Variants in MAP3K10 observed in about 807,000 individuals in gnomAD.
MAP3K10 encodes the protein MKN28 derived nonreceptor_type serine/threonine kinase.
A neutral mutation model predicts 75.0 loss-of-function variants in MAP3K10; 22 were observed. The observed-to-expected ratio is 0.29, with a 90% CI of 0.21 to 0.42. The LOEUF (loss-of-function observed/expected upper bound fraction) is 0.42. Ranked by LOEUF, MAP3K10 falls within the 10% of genes least tolerant of loss-of-function variation. The pLI is 1.00. For synonymous variants in MAP3K10, 599 were observed against 612.9 expected, an observed-to-expected ratio of 0.98 and a Z score of 0.34; for missense variants, 1,165 against 1,379.8, an observed-to-expected ratio of 0.84 and a Z score of 2.47.
Position 40,194,819 on chromosome 19 carries a change from C to G in MAP3K10, c.682+2106C>G, listed in dbSNP as rs114997434. On this transcript the variant is annotated intron_variant, in intron 1 of 9. Coordinates refer to ENST00000253055, the MANE Select transcript of MAP3K10 (RefSeq NM_002446.4). ...CAGAAGTGAACAAGGCAAGATTTCT[C>G]CCTCCCCCAGCTATGGAATTTATAT... Among the ~76,000 whole-genome samples the G allele has an allele frequency of 6.5e-3, 982 of 152,094 alleles. 11 individuals are homozygous for G. The highest frequency in any genetic ancestry group is 0.022 in the African/African-American group (917 of 41,396).
Position 40,192,082 on chromosome 19 carries a change from G to T in MAP3K10, c.51G>T (p.Ala17=). ...AVAKEWGTTP[A]GPVWTAVFDY... ...CCAAGGAGTGGGGCACGACCCCCGC[G>T]GGGCCCGTCTGGACCGCGGTGTTCG... Residue 17 remains alanine (A), a synonymous_variant, in exon 1 of 10, where the codon GCG becomes GCT. Transcript: ENST00000253055. This position sits in a 1 kb window ranked among gnomAD's most constrained non-coding sequence, Gnocchi z 7.1. The T allele has an allele frequency of 1.3e-6, 2 of 1,511,696 alleles. No individual in the cohort carries two copies. The highest frequency in any genetic ancestry group is 1.8e-6 in the Non-Finnish European group (2 of 1,133,598). 93.6% of individuals were successfully genotyped at this position (1,511,696 alleles called of 1,614,324 possible).
rs1277579281 is a variant in MAP3K10, at chr19:40,198,035, G to A, written c.683-340G>A. On this transcript the variant is annotated intron_variant, in intron 1 of 9. Coordinates refer to ENST00000253055, the MANE Select transcript of MAP3K10 (RefSeq NM_002446.4). This position sits in a 1 kb window ranked among gnomAD's most constrained non-coding sequence, Gnocchi z 4.3. ...TTTTGTAGAGATGAGGTCTTGCCAT[G>A]TTGCACAGGCTGGTCTCGAACTCCT... Among the ~76,000 whole-genome samples, 2 of 152,172 alleles carry A rather than the reference G, an allele frequency of 1.3e-5. No homozygotes were observed. Among genetic ancestry groups the A allele is most frequent in the Admixed American group, 6.5e-5 (1 of 15,270 alleles).
intron 1 of MAP3K10, among the ~76,000 whole-genome samples, chr19:40,193,062 G>A (rs919346195): frequency 1.3e-5 from 2 of 152,200 alleles, no homozygotes; most frequent in Non-Finnish European, 2.9e-5. Context: ...ACCAGGCAGA[G>A]ACAAAAAGAG....
intron 5 of MAP3K10, 26 bp from the exon 6 acceptor site, chr19:40,209,077 A>G: frequency 6.5e-7 from 1 of 1,550,012 alleles, no homozygotes; most frequent in Non-Finnish European, 8.9e-7. Flanking sequence ...CCATTTGCTT[A>G]GGAAAGCTTC....
chr19:40,197,142 A>C (rs1972921528), intron 1 of MAP3K10, among the ~76,000 whole-genome samples: 1 of 152,138 alleles, frequency 6.6e-6, no homozygotes, highest in South Asian at 2.1e-4. Flanking sequence ...GCTTTGCTCC[A>C]AGTAGCTCTC....
rs1489680977 is a variant in MAP3K10 at position 40,213,004 on chromosome 19, C to T, written c.1724+28C>T. Reference sequence around the variant, plus strand: ...GAGGTGTGGTGTGGTCATGCCCACCCTGTGCCCAAGCCCCAGCTCCCAGGC... The same window carrying T: ...GAGGTGTGGTGTGGTCATGCCCACCTTGTGCCCAAGCCCCAGCTCCCAGGC... On this transcript the variant is annotated intron_variant, in intron 7 of 9. Coordinates refer to ENST00000253055, the MANE Select transcript of MAP3K10 (RefSeq NM_002446.4). This position sits in a 1 kb window ranked among gnomAD's most constrained non-coding sequence, Gnocchi z 5.7. The T allele has an allele frequency of 4.4e-6, 7 of 1,591,126 alleles. No homozygotes were observed. In the East Asian group the frequency reaches 8.9e-5, roughly 20 times the overall value.
chr19:40,209,185 C>T lies in MAP3K10; in HGVS notation c.1518C>T (p.Ser506=), dbSNP rs747062109. The change falls in exon 6 of 10, where the codon AGC becomes AGT. Residue 506 remains serine, a synonymous_variant. Coordinates refer to ENST00000253055, the MANE Select transcript of MAP3K10 (RefSeq NM_002446.4). ...KGSDGASPPA[S]PSIIPRLRAI... The stretch of plus-strand genomic sequence containing the variant: ...CCGATGGGGCCAGCCCCCCTGCAAG[C>T]CCCAGCATCATCCCCCGGCTGAGGG... 2 of 1,614,068 alleles carry T rather than the reference C, an allele frequency of 1.2e-6. No individual in the cohort carries two copies. Among genetic ancestry groups the T allele is most frequent in the African/African-American group, 2.7e-5 (2 of 74,938 alleles).
In MAP3K10 at chr19:40,213,471, G is replaced by T; in HGVS notation, c.1838-46G>T. 2 of 1,598,660 alleles carry T rather than the reference G, an allele frequency of 1.3e-6. No homozygotes were observed. The highest frequency in any genetic ancestry group is 1.1e-5 in the South Asian group (1 of 89,086). ...GTCCCTTGGCACAAGTCCCCGTGGG[G>T]CCCTGGCCAGCCCTGCAGCGGAGTG... On this transcript the variant is annotated intron_variant, in intron 8 of 9. Transcript: ENST00000253055. This position sits in a 1 kb window ranked among gnomAD's most constrained non-coding sequence, Gnocchi z 5.7.
intron 2 of MAP3K10, among the ~76,000 whole-genome samples, chr19:40,202,110 A>C (rs967556335): frequency 6.6e-6 from 1 of 152,006 alleles, no homozygotes; most frequent in African/African-American, 2.4e-5. Flanking sequence ...GCACGATCTC[A>C]GCTCACTGCA....
chr19:40,194,371 T>G (rs954966900), intron 1 of MAP3K10, among the ~76,000 whole-genome samples: 3 of 151,002 alleles, frequency 2.0e-5, no homozygotes, highest in African/African-American at 7.3e-5. Context: ...AAAAAAAAGC[T>G]AACATGTGAC....
At position 40,215,484 on chromosome 19, in the gene MAP3K10, A is replaced by C; in HGVS notation, c.*192A>C. 3 of 579,262 alleles carry C rather than the reference A, an allele frequency of 5.2e-6. No homozygotes were observed. The highest frequency in any genetic ancestry group is 3.0e-6 in the Non-Finnish European group (1 of 329,936). The allele number at this position is 579,262 out of a possible 1,614,324, so 35.9% of individuals were successfully genotyped here. On this transcript the variant is annotated 3_prime_UTR_variant, in exon 10 of 10. Coordinates refer to ENST00000253055, the MANE Select transcript of MAP3K10 (RefSeq NM_002446.4). Reference sequence around the variant, plus strand: ...GGGTGGAGCCCTGTGCCCACCCTGCACTGGGGGGAGGGTGGGCAGGGATAC... The same window carrying C: ...GGGTGGAGCCCTGTGCCCACCCTGCCCTGGGGGGAGGGTGGGCAGGGATAC...
chr19:40,208,622 G>A (rs116733811), intron 5 of MAP3K10, among the ~76,000 whole-genome samples: 2 of 151,146 alleles, frequency 1.3e-5, no homozygotes, highest in African/African-American at 4.9e-5. Flanking sequence ...AGGATTGCTC[G>A]AGGCCAAGAG....
In MAP3K10 at chr19:40,205,097, C is replaced by G. The variant is rs967248097; in HGVS notation, c.1013-24C>G. On this transcript the variant is annotated intron_variant, in intron 3 of 9. Coordinates refer to ENST00000253055, the MANE Select transcript of MAP3K10 (RefSeq NM_002446.4). This position sits in a 1 kb window ranked among gnomAD's most constrained non-coding sequence, Gnocchi z 4.3. The stretch of plus-strand genomic sequence containing the variant: ...CCACTGACACCTCCATGCCCCACCA[C>G]TGTCCTTCCTCCTCCCACCCCAGAA... 6.2e-7 allele frequency: 1 copy of G among 1,610,570 alleles called. No individual in the cohort carries two copies. Among genetic ancestry groups the G allele is most frequent in the African/African-American group, 1.3e-5 (1 of 74,848 alleles).
chr19:40,213,762 C>G lies in MAP3K10; in HGVS notation c.2083C>G (p.Arg695Gly). The G allele has an allele frequency of 8.8e-7, 1 of 1,132,100 alleles. No homozygotes were observed. Among genetic ancestry groups the G allele is most frequent in the Non-Finnish European group, 1.1e-6 (1 of 921,180 alleles). 70.1% of individuals were successfully genotyped at this position (1,132,100 alleles called of 1,614,324 possible). The change falls in exon 9 of 10, where the codon CGC (arginine) becomes GGC (glycine). Residue 695 changes from arginine to glycine, a missense_variant. By Grantham distance (125) the Arg-to-Gly change is moderately radical. This residue lies in a region of MAP3K10 where 590 missense variants were observed against 586.6 expected (regional missense o/e 1.01). Coordinates refer to ENST00000253055, the MANE Select transcript of MAP3K10 (RefSeq NM_002446.4). The surrounding 1 kb of genome is among the most constrained non-coding windows in gnomAD (Gnocchi z 5.7). ...CCTGGGCGCCGACGTGGCCGAGGCGCGCGCGGCCGACGGTGAGGAGCAGCG... is the reference window on the plus strand; with the variant it reads ...CCTGGGCGCCGACGTGGCCGAGGCGGGCGCGGCCGACGGTGAGGAGCAGCG... Reference protein sequence around the residue: ...VGLGADVAEARAADGEEQRRW... With the variant: ...VGLGADVAEAGAADGEEQRRW...
Position 40,214,006 on chromosome 19 carries a change from CACCACCCT to C in MAP3K10, c.2328_2335del (p.Pro778AlafsTer71). On this transcript the variant is annotated frameshift_variant, in exon 9 of 10. Coordinates refer to ENST00000253055, the MANE Select transcript of MAP3K10 (RefSeq NM_002446.4). LOFTEE classifies it high-confidence loss of function. ...GAGGCCGCACCGGCCGCGCCCTCCC[CACCACCCT>C]CCCCGCCCGCGCCCACACCCACGCC... is the stretch of plus-strand genomic sequence containing the variant. 9 of 1,505,066 alleles carry C rather than the reference CACCACCCT, an allele frequency of 6.0e-6. No homozygotes were observed. The East Asian group carries it at 7.7e-5, about 13-fold the overall frequency. The allele number at this position is 1,505,066 out of a possible 1,614,324, so 93.2% of individuals were successfully genotyped here. A position where few individuals can be genotyped will look rare whatever the true frequency, so the allele number is the denominator to read the frequency against.
chr19:40,213,367 C>A lies in MAP3K10; in HGVS notation c.1838-150C>A. The A allele has an allele frequency of 6.8e-7, 1 of 1,461,814 alleles. No homozygotes were observed. Among genetic ancestry groups the A allele is most frequent in the South Asian group, 1.4e-5 (1 of 71,318 alleles). The allele number at this position is 1,461,814 out of a possible 1,614,324, so 90.6% of individuals were successfully genotyped here. On this transcript the variant is annotated intron_variant, in intron 8 of 9. Coordinates refer to ENST00000253055, the MANE Select transcript of MAP3K10 (RefSeq NM_002446.4). This position sits in a 1 kb window ranked among gnomAD's most constrained non-coding sequence, Gnocchi z 5.7. ...TTCCAGGGGCAGGGACCACCCTTCTCTGAGGCTTCTCCTGGAGACAGATTC... is the reference window on the plus strand; with the variant it reads ...TTCCAGGGGCAGGGACCACCCTTCTATGAGGCTTCTCCTGGAGACAGATTC...
chr19:40,213,590 A>T lies in MAP3K10; in HGVS notation c.1911A>T (p.Ser637=), dbSNP rs34886198. 1.2e-6 allele frequency: 2 copies of T among 1,602,280 alleles called. No homozygotes were observed. Among genetic ancestry groups the T allele is most frequent in the East Asian group, 4.6e-5 (2 of 43,372 alleles). Residue 637 remains serine (S), a synonymous_variant, in exon 9 of 10, where the codon TCA becomes TCT. Coordinates refer to ENST00000253055, the MANE Select transcript of MAP3K10 (RefSeq NM_002446.4). This position sits in a 1 kb window ranked among gnomAD's most constrained non-coding sequence, Gnocchi z 5.7. ...CCTACTCGACCCCGTCCTACCTCTC[A>T]GTGCCACTGCCTGCCGAGCCCTCCC... ...PSPYSTPSYL[S]VPLPAEPSPG...
rs1309552780 is a variant in MAP3K10, at chr19:40,191,596, C to T, written c.-436C>T. Reference sequence around the variant, plus strand: ...GGCGGCCGCCCCAGGGGCCCCGCCACCCCCGCCCGGCCCGGCAGTCGTGGC... The same window carrying T: ...GGCGGCCGCCCCAGGGGCCCCGCCATCCCCGCCCGGCCCGGCAGTCGTGGC... On this transcript the variant is annotated 5_prime_UTR_variant, in exon 1 of 10. Transcript: ENST00000253055. 2.0e-5 allele frequency: 3 copies of T among 148,022 alleles called. No homozygotes were observed. Among genetic ancestry groups the T allele is most frequent in the Non-Finnish European group, 4.5e-5 (3 of 66,426 alleles). The allele number at this position is 148,022 out of a possible 1,614,324, so 9.2% of individuals were successfully genotyped here.
chr19:40,212,820 G>C lies in MAP3K10; in HGVS notation c.1568G>C (p.Cys523Ser). 1 of 1,596,696 alleles carries C rather than the reference G, an allele frequency of 6.3e-7. No individual in the cohort carries two copies. ...CTGGACCCAGTGACTCCCGTGGACT[G>C]TGGTGGCAGCAGCAGTGGCAGCAGC... ...LRAIRLTPVD[C>S]GGSSSGSSSG... The change falls in exon 7 of 10, where the codon TGT becomes TCT. Residue 523 changes from cysteine to serine, a missense_variant. This residue lies in a region of MAP3K10 where 575 missense variants were observed against 793.2 expected (regional missense o/e 0.72). Coordinates refer to ENST00000253055, the MANE Select transcript of MAP3K10 (RefSeq NM_002446.4). The surrounding 1 kb of genome is among the most constrained non-coding windows in gnomAD (Gnocchi z 4.2).
Sources: gnomAD v4.1 joint callset for allele counts (sites outside exome capture counted in the v4.1 genomes callset) on GRCh38, gnomAD v4.1.1 for gene constraint, gnomAD v4.1.1 regional missense constraint, Gnocchi (gnomAD v3.1) non-coding constraint, MANE v1.5 for transcripts, NCBI Gene and HGNC (gene_info 2026-07-23, HGNC 2026-07-21) for gene names.